The following DCC variants were observed in gnomAD, a reference collection of about 807,000 sequenced individuals.
The protein encoded by DCC is DCC netrin 1 receptor, also known as netrin receptor DCC.
DCC carries 58 observed loss-of-function variants against 172.5 expected under a neutral mutation model. The ratio of observed to expected loss-of-function variants is 0.34; its 90% CI spans 0.27 to 0.42. DCC has a LOEUF of 0.42. DCC is among the 10% of genes least tolerant of loss of function. DCC has a pLI of 1.00. For missense variants in DCC, 1,740 were observed against 1,791.0 expected, an observed-to-expected ratio of 0.97 and a Z score of 0.51; for synonymous variants, 709 against 644.5, an observed-to-expected ratio of 1.10 and a Z score of -1.52.
intron 2 of DCC, among the ~76,000 whole-genome samples, chr18:52,784,137 G>A (rs58300609): frequency 8.7e-4 from 132 of 152,018 alleles, no homozygotes; most frequent in African/African-American, 3.1e-3. Flanking sequence ...AAGTCCATGA[G>A]ATCAACTTTT....
chr18:53,490,480 G>A lies in DCC; in HGVS notation c.3898+3522G>A, dbSNP rs1342327328. The stretch of plus-strand genomic sequence containing the variant: ...ATGTATTGACATTAATTATTATAAA[G>A]TACCTTGAGATTTGACTCTGCTGTG... On this transcript the variant is annotated intron_variant, in intron 26 of 28. Coordinates refer to ENST00000442544, the MANE Select transcript of DCC (RefSeq NM_005215.4). Among the ~76,000 whole-genome samples, 3 of 152,080 alleles carry A rather than the reference G, an allele frequency of 2.0e-5. No individual in the cohort carries two copies. In the East Asian group the frequency reaches 5.8e-4, roughly 29 times the overall value.
At chr18:53,028,283 T>A in intron 5 of DCC, among the ~76,000 whole-genome samples, 1 of 152,154 alleles carries the variant, frequency 6.6e-6, no homozygotes, top group East Asian at 1.9e-4. Context: ...CTTTCTCAAC[T>A]GTAGAATTCA....
At chr18:53,130,350 C>G (rs1398906905) in intron 7 of DCC, among the ~76,000 whole-genome samples, 1 of 152,098 alleles carries the variant, frequency 6.6e-6, no homozygotes, top group Non-Finnish European at 1.5e-5. Flanking sequence ...TTATCTTTCA[C>G]TTTGGATCTA....
intron 5 of DCC, 29 bp downstream of exon 5, chr18:52,925,399 A>C: frequency 1.2e-6 from 2 of 1,606,624 alleles, no homozygotes; most frequent in Non-Finnish European, 1.7e-6. Flanking sequence ...ATGAGTTTAT[A>C]TTGTACCTTT....
At chr18:53,447,524 T>C (rs1335983559) in intron 22 of DCC, among the ~76,000 whole-genome samples, 1 of 152,172 alleles carries the variant, frequency 6.6e-6, no homozygotes, top group Non-Finnish European at 1.5e-5. Flanking sequence ...TATGATGTCT[T>C]CCAGGGTGAA....
intron 12 of DCC, among the ~76,000 whole-genome samples, chr18:53,252,089 C>A (rs997923474): frequency 6.6e-6 from 1 of 151,882 alleles, no homozygotes; most frequent in African/African-American, 2.4e-5. Flanking sequence ...AAGATAGGAT[C>A]TAAGAAAATT....
At chr18:52,693,924 T>C (rs938522044) in intron 1 of DCC, among the ~76,000 whole-genome samples, 4 of 152,122 alleles carry the variant, frequency 2.6e-5, no homozygotes, top group Non-Finnish European at 5.9e-5. Flanking sequence ...ATCTTTCTTA[T>C]AGATATATTC....
rs2035580722 is a variant in DCC, at chr18:52,672,992, G to A, written c.92-79062G>A. Among the ~76,000 whole-genome samples the A allele has an allele frequency of 2.0e-5, 3 of 152,310 alleles. No homozygotes were observed. The South Asian group carries it at 6.2e-4, about 32-fold the overall frequency. The stretch of plus-strand genomic sequence containing the variant: ...GTGGGAAGATTGCTTGAGCCCAGGA[G>A]TTTGAGGCTGCAGTGAGCCATGATT... On this transcript the variant is annotated intron_variant, in intron 1 of 28. Coordinates refer to ENST00000442544, the MANE Select transcript of DCC (RefSeq NM_005215.4).
At chr18:52,978,170 A>G (rs535933141) in intron 5 of DCC, among the ~76,000 whole-genome samples, 1 of 152,252 alleles carries the variant, frequency 6.6e-6, no homozygotes, top group South Asian at 2.1e-4. Flanking sequence ...TTGAAAAAGT[A>G]TTAAGAAGTG....
chr18:53,141,486 A>T (rs998396927), intron 7 of DCC, among the ~76,000 whole-genome samples: 2 of 152,234 alleles, frequency 1.3e-5, no homozygotes, highest in African/African-American at 4.8e-5. Flanking sequence ...GATTAGCCAG[A>T]ATCCTAAATT....
chr18:53,308,792 C>T (rs946420069), intron 13 of DCC, among the ~76,000 whole-genome samples: 1 of 152,288 alleles, frequency 6.6e-6, no homozygotes, highest in African/African-American at 2.4e-5. Context: ...CAAAATACCA[C>T]GAATTTCGTA....
chr18:53,063,526 T>C, intron 6 of DCC, 67 bp downstream of exon 6: 2 of 1,352,070 alleles, frequency 1.5e-6, no homozygotes, highest in Non-Finnish European at 2.1e-6. Context: ...TCACTTGTTT[T>C]TATTTCTTGA....
chr18:53,496,948 A>T (rs1172765577), intron 26 of DCC, among the ~76,000 whole-genome samples: 1 of 152,232 alleles, frequency 6.6e-6, no homozygotes, highest in Admixed American at 6.5e-5. Context: ...GTAAAAAAGG[A>T]AATAAAACAT....
intron 12 of DCC, among the ~76,000 whole-genome samples, chr18:53,262,744 T>C (rs1402893943): frequency 1.3e-5 from 2 of 152,198 alleles, no homozygotes; most frequent in African/African-American, 4.8e-5. Flanking sequence ...TGAAGGAAGA[T>C]TAAGGAATTT....
intron 1 of DCC, among the ~76,000 whole-genome samples, chr18:52,430,200 A>G (rs1415646055): frequency 6.6e-6 from 1 of 152,102 alleles, no homozygotes; most frequent in Non-Finnish European, 1.5e-5. Context: ...TGAAAGTAAT[A>G]AGAATACATC....
At chr18:52,456,170 T>C (rs573503133) in intron 1 of DCC, among the ~76,000 whole-genome samples, 26 of 152,186 alleles carry the variant, frequency 1.7e-4, no homozygotes, top group Non-Finnish European at 3.5e-4. Flanking sequence ...TGTCCATTTA[T>C]GAAAATAATA....
chr18:52,912,587 T>A (rs2039986241), intron 3 of DCC, among the ~76,000 whole-genome samples: 1 of 151,966 alleles, frequency 6.6e-6, no homozygotes, highest in South Asian at 2.1e-4. Context: ...TTTCTTTACC[T>A]CTCCAGTAAC....
chr18:53,249,322 C>A lies in DCC; in HGVS notation c.1911+33725C>A, dbSNP rs574681983. 2.0e-5 allele frequency among the ~76,000 whole-genome samples: 3 copies of A among 151,672 alleles called. No homozygotes were observed. In the South Asian group the frequency reaches 6.3e-4, roughly 32 times the overall value. ...TAAATTGCCAATGTATGTGTTGTACCCCAAAGTGACCTAGGTGGGTACCAT... is the reference window on the plus strand; with the variant it reads ...TAAATTGCCAATGTATGTGTTGTACACCAAAGTGACCTAGGTGGGTACCAT... On this transcript the variant is annotated intron_variant, in intron 12 of 28. Coordinates refer to ENST00000442544, the MANE Select transcript of DCC (RefSeq NM_005215.4).
At chr18:52,807,272 G>A (rs554895103) in intron 2 of DCC, among the ~76,000 whole-genome samples, 51 of 152,214 alleles carry the variant, frequency 3.4e-4, no homozygotes, top group Non-Finnish European at 4.6e-4. Flanking sequence ...GACGCACTGC[G>A]CCTCCTGCCT....
Sources: gnomAD v4.1 joint callset for allele counts (sites outside exome capture counted in the v4.1 genomes callset) on GRCh38, gnomAD v4.1.1 for gene constraint, MANE v1.5 for transcripts, NCBI Gene and HGNC (gene_info 2026-07-23, HGNC 2026-07-21) for gene names.